The following TPP2 variants were observed in gnomAD, a reference collection of about 807,000 sequenced individuals.
The protein encoded by TPP2 is tripeptidyl peptidase 2, also known as tripeptidyl-peptidase 2.
A neutral mutation model predicts 155.9 loss-of-function variants in TPP2; 34 were observed. The ratio of observed to expected loss-of-function variants is 0.22; its 90% CI spans 0.17 to 0.29. The LOEUF is 0.29. TPP2 is among the 10% of genes least tolerant of loss of function. TPP2 has a pLI of 1.00. For synonymous variants in TPP2, 510 were observed against 529.4 expected (o/e 0.96, Z 0.50); for missense variants, 1,028 against 1,522.3 (o/e 0.68, Z 5.40).
At chr13:102,608,451 G>C (rs1371538015) in intron 2 of TPP2, among the ~76,000 whole-genome samples, 1 of 151,716 alleles carries the variant, frequency 6.6e-6, no homozygotes, top group African/African-American at 2.4e-5. Flanking sequence ...CCTGTTAATT[G>C]AACATTGGAC....
intron 2 of TPP2, among the ~76,000 whole-genome samples, chr13:102,611,976 G>C (rs577859309): frequency 6.6e-6 from 1 of 152,078 alleles, no homozygotes; most frequent in Non-Finnish European, 1.5e-5. Flanking sequence ...TTGTCCCTTC[G>C]TTTTTGGATG....
rs148981142 is a variant in TPP2, at chr13:102,598,892, T to C, written c.165+1689T>C. Among the ~76,000 whole-genome samples the C allele has an allele frequency of 7.5e-3, 1,136 of 152,352 alleles. 8 individuals carry two copies. The highest frequency in any genetic ancestry group is 0.061 in the Middle Eastern group (18 of 294). On this transcript the variant is annotated intron_variant, in intron 1 of 29. Coordinates refer to ENST00000376052, the MANE Select transcript of TPP2 (RefSeq NM_001330588.2). ...GCTAATTACATGTGACTTTTTTAAA[T>C]GCTCAAGAAAAATATTAAACTATTT...
intron 16 of TPP2, 101 bp from the exon 17 acceptor site, chr13:102,643,121 C>T: frequency 6.3e-6 from 7 of 1,103,198 alleles, no homozygotes; most frequent in East Asian, 2.9e-5. Flanking sequence ...CTATTATGTC[C>T]CTACATGGGA....
At position 102,606,416 on chromosome 13, in the gene TPP2, G is replaced by A. The variant is rs115985600; in HGVS notation, c.294+1495G>A. Among the ~76,000 whole-genome samples, 748 of 152,246 alleles carry A rather than the reference G, an allele frequency of 4.9e-3. 6 individuals are homozygous for A. The highest frequency in any genetic ancestry group is 0.018 in the African/African-American group (727 of 41,530). ...ATGGCTTTTTGTGGGTCTCTGCTCA[G>A]GGTCTCACAAGACTGCAGTCAAGAT... is the stretch of plus-strand genomic sequence containing the variant. On this transcript the variant is annotated intron_variant, in intron 2 of 29. Coordinates refer to ENST00000376052, the MANE Select transcript of TPP2 (RefSeq NM_001330588.2).
chr13:102,617,069 C>G (rs897257996), intron 4 of TPP2, among the ~76,000 whole-genome samples: 31 of 150,598 alleles, frequency 2.1e-4, no homozygotes, highest in Admixed American at 4.0e-4. Flanking sequence ...CCACCACACC[C>G]GACTAGTTTT....
chr13:102,677,703 T>C (rs574647250), intron 29 of TPP2, among the ~76,000 whole-genome samples: 1 of 152,380 alleles, frequency 6.6e-6, no homozygotes, highest in South Asian at 2.1e-4. Context: ...TCCATAGAGA[T>C]CCTTTCTTAA....
chr13:102,655,531 G>T (rs1883798607), intron 24 of TPP2, among the ~76,000 whole-genome samples: 1 of 152,154 alleles, frequency 6.6e-6, no homozygotes. Context: ...AATCTAGCAG[G>T]TATAGCATGT....
chr13:102,627,975 G>A (rs751305276), intron 8 of TPP2, 51 bp downstream of exon 8: 1 of 1,439,806 alleles, frequency 6.9e-7, no homozygotes, highest in South Asian at 1.2e-5. Context: ...CCAGTGAAGA[G>A]TATGAGATGT....
At chr13:102,670,936 C>A (rs569759588) in intron 27 of TPP2, among the ~76,000 whole-genome samples, 1 of 152,222 alleles carries the variant, frequency 6.6e-6, no homozygotes, top group African/African-American at 2.4e-5. Flanking sequence ...TATAGACTTA[C>A]AAGTCCTGGC....
intron 5 of TPP2, among the ~76,000 whole-genome samples, chr13:102,621,399 A>C (rs895967936): frequency 6.6e-6 from 1 of 152,180 alleles, no homozygotes; most frequent in African/African-American, 2.4e-5. Flanking sequence ...CCAGTCTAGG[A>C]AGAATCGAGA....
At chr13:102,644,524 A>C in intron 17 of TPP2, 33 bp from the exon 18 acceptor site, 1 of 1,497,488 alleles carries the variant, frequency 6.7e-7, no homozygotes, top group South Asian at 1.2e-5. Flanking sequence ...AAAAATAAGA[A>C]AAGAGATATA....
intron 6 of TPP2, among the ~76,000 whole-genome samples, chr13:102,624,377 C>T (rs1214347902): frequency 2.6e-5 from 4 of 152,154 alleles, no homozygotes; most frequent in African/African-American, 9.7e-5. Context: ...AGTACAAAAA[C>T]TTCACATACA....
At chr13:102,606,214 T>C (rs1424242038) in intron 2 of TPP2, among the ~76,000 whole-genome samples, 7 of 152,258 alleles carry the variant, frequency 4.6e-5, no homozygotes, top group African/African-American at 1.7e-4. Flanking sequence ...AGTTAGCTTT[T>C]CCCACCTTTT....
At chr13:102,648,831 C>G (rs908540551) in intron 21 of TPP2, 76 bp from the exon 22 acceptor site, 1 of 1,501,170 alleles carries the variant, frequency 6.7e-7, no homozygotes, top group Non-Finnish European at 8.8e-7. Flanking sequence ...TGGTAACTTT[C>G]ACTTTATCCT....
At chr13:102,653,339 C>T (rs614103) in intron 24 of TPP2, among the ~76,000 whole-genome samples, 14 of 151,954 alleles carry the variant, frequency 9.2e-5, no homozygotes, top group Non-Finnish European at 1.8e-4. Flanking sequence ...TGATTTGAAA[C>T]GGTATGTCAC....
intron 27 of TPP2, among the ~76,000 whole-genome samples, chr13:102,665,985 A>G (rs1401803975): frequency 6.6e-6 from 1 of 152,094 alleles, no homozygotes; most frequent in East Asian, 1.9e-4. Context: ...ACCTTTTCAT[A>G]TTTTTCAAAA....
chr13:102,677,371 GC>G (rs11355801), intron 29 of TPP2, among the ~76,000 whole-genome samples: 89,895 of 151,250 alleles, frequency 0.59, 28,021 homozygotes, highest in African/African-American at 0.81. Context: ...CCTCCACTCT[GC>G]CCCCCCCGCT....
chr13:102,677,405 G>A (rs1363090109), intron 29 of TPP2, among the ~76,000 whole-genome samples: 1 of 152,098 alleles, frequency 6.6e-6, no homozygotes, highest in Admixed American at 6.5e-5. Flanking sequence ...CACAGCAGCT[G>A]GAAAAGATGC....
chr13:102,601,877 A>C (rs1172738994), intron 1 of TPP2, among the ~76,000 whole-genome samples: 1 of 152,242 alleles, frequency 6.6e-6, no homozygotes, highest in African/African-American at 2.4e-5. Context: ...AATTGCATGT[A>C]TAATAATTTG....
Sources: allele counts gnomAD v4.1 joint callset (sites outside exome capture counted in the v4.1 genomes callset), GRCh38; gene constraint gnomAD v4.1.1; transcripts MANE v1.5; gene names NCBI Gene and HGNC (gene_info 2026-07-23, HGNC 2026-07-21).